CPQ: variants seen among roughly 807,000 people sequenced by gnomAD.
The protein encoded by CPQ is Ser-Met dipeptidase.
CPQ carries 37 observed loss-of-function variants against 45.7 expected under a neutral mutation model. That is an observed-to-expected ratio of 0.81 (90% confidence interval 0.62 to 1.07). CPQ has a LOEUF of 1.07. Ranked by LOEUF, CPQ falls within the 50% of genes least tolerant of loss-of-function variation. CPQ has a pLI of 0.00. For synonymous variants in CPQ, 186 were observed against 205.8 expected, an observed-to-expected ratio of 0.90 and a Z score of 0.82; for missense variants, 537 against 572.9, an observed-to-expected ratio of 0.94 and a Z score of 0.64.
chr8:97,108,337 C>T (rs960087283), intron 7 of CPQ, among the ~76,000 whole-genome samples: 1 of 152,202 alleles, frequency 6.6e-6, no homozygotes, highest in Non-Finnish European at 1.5e-5. Flanking sequence ...GCAGCTCCTA[C>T]TGGCCTTTTG....
intron 1 of CPQ, among the ~76,000 whole-genome samples, chr8:96,737,115 C>G (rs1011972877): frequency 1.3e-5 from 2 of 150,954 alleles, no homozygotes; most frequent in Admixed American, 6.6e-5. Flanking sequence ...TTAATTTCTT[C>G]CTCTTGTCTT....
intron 4 of CPQ, among the ~76,000 whole-genome samples, chr8:96,898,632 C>T (rs1477274801): frequency 1.8e-5 from 1 of 54,794 alleles, no homozygotes; most frequent in Non-Finnish European, 3.4e-5. Flanking sequence ...GTGGTGGGGT[C>T]GGGGGAGGGG....
chr8:96,765,506 A>T (rs981229732), intron 1 of CPQ, among the ~76,000 whole-genome samples: 10 of 152,144 alleles, frequency 6.6e-5, no homozygotes, highest in African/African-American at 2.4e-4. Context: ...GAGCCTGGAA[A>T]AAAAAAAACC....
chr8:96,887,621 A>G (rs1437733259), intron 4 of CPQ, among the ~76,000 whole-genome samples: 1 of 152,174 alleles, frequency 6.6e-6, no homozygotes, highest in Non-Finnish European at 1.5e-5. Context: ...TGGATTCTCT[A>G]ATGTTGACTC....
At chr8:96,705,312 T>A (rs1005723743) in intron 1 of CPQ, among the ~76,000 whole-genome samples, 4 of 152,204 alleles carry the variant, frequency 2.6e-5, no homozygotes, top group Non-Finnish European at 4.4e-5. Flanking sequence ...GAAACCCTAG[T>A]GCCTAGCATG....
Position 96,774,237 on chromosome 8 carries a change from C to G in CPQ, c.-34-10627C>G, listed in dbSNP as rs887322872. On this transcript the variant is annotated intron_variant, in intron 1 of 7. Coordinates refer to ENST00000220763, the MANE Select transcript of CPQ (RefSeq NM_016134.4). ...AGTGACCCAAGACTGTGCCATTGCA[C>G]TCCAGCCTGGGTGACAGAGCGAGAC... Among the ~76,000 whole-genome samples the G allele has an allele frequency of 1.7e-4, 25 of 151,510 alleles. 1 individual carries two copies. Among genetic ancestry groups the G allele is most frequent in the African/African-American group, 7.3e-5 (3 of 41,174 alleles).
At chr8:96,936,958 TTTCC>T (rs1011804431) in intron 4 of CPQ, among the ~76,000 whole-genome samples, 2 of 152,084 alleles carry the variant, frequency 1.3e-5, no homozygotes, top group Non-Finnish European at 2.9e-5. Context: ...ATGTGATATC[TTTCC>T]TTCCTTCCTT....
At chr8:96,714,788 T>G (rs11785322) in intron 1 of CPQ, among the ~76,000 whole-genome samples, 41,334 of 152,056 alleles carry the variant, frequency 0.27, 6,005 homozygotes, top group East Asian at 0.6. Context: ...ATTCTTGAAT[T>G]TATTTTTGAT....
intron 1 of CPQ, among the ~76,000 whole-genome samples, chr8:96,744,576 A>G (rs367940450): frequency 5.3e-5 from 8 of 152,308 alleles, no homozygotes; most frequent in African/African-American, 1.4e-4. Context: ...TTTTTTTATC[A>G]ATAATCCTTT....
intron 4 of CPQ, among the ~76,000 whole-genome samples, chr8:96,909,107 C>T (rs1812622198): frequency 1.3e-5 from 2 of 152,070 alleles, no homozygotes; most frequent in South Asian, 4.2e-4. Flanking sequence ...CTGTGATGTG[C>T]AATGTGCCTT....
intron 1 of CPQ, among the ~76,000 whole-genome samples, chr8:96,685,551 A>G (rs181392170): frequency 2.0e-5 from 3 of 152,056 alleles, no homozygotes; most frequent in East Asian, 3.9e-4. Context: ...ATTTGTGTCT[A>G]TTTCTGGGTT....
chr8:96,915,975 C>T (rs912669829), intron 4 of CPQ, among the ~76,000 whole-genome samples: 3 of 151,968 alleles, frequency 2.0e-5, no homozygotes, highest in Non-Finnish European at 4.4e-5. Context: ...TTATCTCTGC[C>T]CTGAGAATTT....
chr8:96,829,637 T>G (rs374775791), intron 2 of CPQ, among the ~76,000 whole-genome samples: 1 of 152,130 alleles, frequency 6.6e-6, no homozygotes, highest in Non-Finnish European at 1.5e-5. Flanking sequence ...TGTCCTTCCC[T>G]CATTTTCAGG....
At chr8:96,763,245 T>C (rs1586390875) in intron 1 of CPQ, among the ~76,000 whole-genome samples, 2 of 152,196 alleles carry the variant, frequency 1.3e-5, no homozygotes, top group South Asian at 2.1e-4. Flanking sequence ...CTTTAACATA[T>C]GAATTTGGGG....
chr8:97,045,123 G>A (rs1294658280), intron 6 of CPQ, among the ~76,000 whole-genome samples: 3 of 152,226 alleles, frequency 2.0e-5, no homozygotes, highest in African/African-American at 7.2e-5. Context: ...GGCTCCTTGA[G>A]CTGTGGTGGG....
At chr8:97,054,191 A>G (rs751896386) in intron 6 of CPQ, among the ~76,000 whole-genome samples, 2 of 152,240 alleles carry the variant, frequency 1.3e-5, no homozygotes, top group African/African-American at 4.8e-5. Flanking sequence ...ATCACTAATC[A>G]TCAGGGAAAT....
At chr8:96,934,260 C>T (rs1813014995) in intron 4 of CPQ, among the ~76,000 whole-genome samples, 1 of 152,154 alleles carries the variant, frequency 6.6e-6, no homozygotes, top group Admixed American at 6.6e-5. Context: ...CACAACAAGC[C>T]TAGGATTAAG....
chr8:96,830,310 ATCT>A (rs1448896915), intron 2 of CPQ, among the ~76,000 whole-genome samples: 1 of 152,108 alleles, frequency 6.6e-6, no homozygotes, highest in Admixed American at 6.6e-5. Context: ...TTATTTCATT[ATCT>A]TCTTATTGTT....
chr8:96,694,702 A>T (rs180983408), intron 1 of CPQ, among the ~76,000 whole-genome samples: 6 of 151,832 alleles, frequency 4.0e-5, no homozygotes, highest in East Asian at 3.9e-4. Flanking sequence ...TTAGGAAATT[A>T]AAAAAAAATT....
Sources: gnomAD v4.1 joint callset for allele counts (sites outside exome capture counted in the v4.1 genomes callset) on GRCh38, gnomAD v4.1.1 for gene constraint, MANE v1.5 for transcripts, NCBI Gene and HGNC (gene_info 2026-07-23, HGNC 2026-07-21) for gene names.